LOC112694756: variants seen among roughly 807,000 people sequenced by gnomAD.
At chr16:30,069,184 A>C in the LOC112694756 span, 1 of 1,358,856 alleles carries the variant, frequency 7.4e-7, no homozygotes, top group Non-Finnish European at 1.0e-6. Flanking sequence ...CTGTAATCTG[A>C]GGGCTTTGAA....
chr16:30,067,708 A>G, the LOC112694756 span: 3 of 1,608,512 alleles, frequency 1.9e-6, no homozygotes, highest in African/African-American at 2.7e-5. Context: ...GAAGTGGAGG[A>G]AGGAAATCCA....
chr16:30,061,527 C>T, the LOC112694756 span, among the ~76,000 whole-genome samples: 12 of 140,034 alleles, frequency 8.6e-5, no homozygotes, highest in Non-Finnish European at 1.7e-4. Context: ...TCACTTGCCT[C>T]TCTGTCTATG....
chr16:30,067,881 G>C, the LOC112694756 span: 1 of 619,644 alleles, frequency 1.6e-6, no homozygotes, highest in African/African-American at 1.8e-5. Context: ...TCAGGGAAGT[G>C]AAGTGTTTTG....
At chr16:30,065,271 C>T in the LOC112694756 span, among the ~76,000 whole-genome samples, 1 of 152,250 alleles carries the variant, frequency 6.6e-6, no homozygotes, top group Admixed American at 6.5e-5. Context: ...GCCGATTCAG[C>T]CCGCGGGCGA....
the LOC112694756 span, chr16:30,064,799 G>C: frequency 2.6e-5 from 7 of 270,634 alleles, 1 homozygote; most frequent in African/African-American, 4.4e-5. Flanking sequence ...GCCCCTTGCA[G>C]GACCGGGCCG....
At chr16:30,068,531 A>T in the LOC112694756 span, 4,221 of 1,195,074 alleles carry the variant, frequency 3.5e-3, 122 homozygotes, top group African/African-American at 0.057. Context: ...TGAGTCCAGG[A>T]AGTGGAGGCT....
At chr16:30,065,510 G>A in the LOC112694756 span, among the ~76,000 whole-genome samples, 3 of 152,206 alleles carry the variant, frequency 2.0e-5, no homozygotes, top group African/African-American at 4.8e-5. Flanking sequence ...GCCAGGCTGG[G>A]GGAAAGGAGC....
At chr16:30,061,276 C>A in the LOC112694756 span, among the ~76,000 whole-genome samples, 1 of 152,258 alleles carries the variant, frequency 6.6e-6, no homozygotes, top group Non-Finnish European at 1.5e-5. Context: ...GCTGAGAAGC[C>A]CTCTTCTTTC....
the LOC112694756 span, chr16:30,067,465 G>A: frequency 4.5e-5 from 72 of 1,613,250 alleles, no homozygotes; most frequent in Non-Finnish European, 5.9e-5. Flanking sequence ...ATTGCCAAGC[G>A]GCTGCAGTCC....
At chr16:30,068,783 C>A in the LOC112694756 span, 25 of 1,614,084 alleles carry the variant, frequency 1.5e-5, no homozygotes, top group Non-Finnish European at 2.0e-5. Context: ...ACATGCCCCT[C>A]CCCACCGTGC....
chr16:30,056,656 G>C, the LOC112694756 span, among the ~76,000 whole-genome samples: 1 of 149,400 alleles, frequency 6.7e-6, no homozygotes, highest in Non-Finnish European at 1.5e-5. Flanking sequence ...GCTGGAGTCT[G>C]GTGGTGCAAT....
the LOC112694756 span, among the ~76,000 whole-genome samples, chr16:30,062,882 CCTT>C: frequency 1.3e-5 from 2 of 151,714 alleles, no homozygotes; most frequent in Non-Finnish European, 2.9e-5. Context: ...GTTGCTCACT[CCTT>C]TAATCTTAGC....
At chr16:30,064,193 G>A in the LOC112694756 span, 1 of 397,980 alleles carries the variant, frequency 2.5e-6, no homozygotes, top group Admixed American at 4.4e-5. Flanking sequence ...TGAGTACCGG[G>A]TACGCAGGGG....
chr16:30,066,476 G>T, the LOC112694756 span, among the ~76,000 whole-genome samples: 1 of 152,244 alleles, frequency 6.6e-6, no homozygotes, highest in Non-Finnish European at 1.5e-5. Context: ...GCTCCTCCAC[G>T]TTCTTGCCCC....
At chr16:30,070,141 A>G in the LOC112694756 span, 2 of 1,614,064 alleles carry the variant, frequency 1.2e-6, no homozygotes, top group South Asian at 1.1e-5. Flanking sequence ...CTGTCAAGGA[A>G]AGTACACTCC....
chr16:30,055,122 T>G, the LOC112694756 span: 1 of 398,962 alleles, frequency 2.5e-6, no homozygotes, highest in African/African-American at 2.1e-5. Context: ...AAAGCTGCCT[T>G]GGCTGTCACT....
the LOC112694756 span, chr16:30,064,352 T>G: frequency 2.5e-6 from 1 of 398,634 alleles, no homozygotes; most frequent in Non-Finnish European, 4.4e-6. Flanking sequence ...GGAGGGAGAT[T>G]AGAGAAGGAG....
the LOC112694756 span, among the ~76,000 whole-genome samples, chr16:30,062,640 A>C: frequency 6.6e-6 from 1 of 151,650 alleles, no homozygotes; most frequent in South Asian, 2.1e-4. Context: ...TCAGGAATTC[A>C]AGACCAGCCT....
chr16:30,067,208 C>T, the LOC112694756 span: 32 of 1,612,044 alleles, frequency 2.0e-5, no homozygotes, highest in Non-Finnish European at 2.3e-5. Flanking sequence ...GCTAACTAGT[C>T]CTTCCCCTCT....
Sources: gnomAD v4.1 joint callset for allele counts (sites outside exome capture counted in the v4.1 genomes callset) on GRCh38, gnomAD v4.1.1 for gene constraint, MANE v1.5 for transcripts.